CPNE4: variants seen among roughly 807,000 people sequenced by gnomAD.
CPNE4 encodes the protein copine-4.
CPNE4 carries 25 observed loss-of-function variants against 67.9 expected under a neutral mutation model. The observed-to-expected ratio is 0.37, with a 90% CI of 0.27 to 0.51. The LOEUF (loss-of-function observed/expected upper bound fraction) is 0.51, where lower values mean the gene tolerates loss of function less well. Ranked by LOEUF, CPNE4 falls within the 20% of genes least tolerant of loss-of-function variation. The pLI, the probability that CPNE4 is intolerant of heterozygous loss-of-function variation, is 0.93. For synonymous variants in CPNE4, 242 were observed against 244.9 expected (o/e 0.99, Z 0.11); for missense variants, 464 against 690.8 (o/e 0.67, Z 3.68).
At chr3:131,758,842 T>C (rs2082818910) in intron 2 of CPNE4, among the ~76,000 whole-genome samples, 1 of 152,116 alleles carries the variant, frequency 6.6e-6, no homozygotes, top group African/African-American at 2.4e-5. Context: ...TCATCTGGGG[T>C]TTCCGCTTTT....
rs531093457 is a variant in CPNE4, at chr3:131,847,452, G to A, written c.180+57812C>T. Among the ~76,000 whole-genome samples, 62 of 152,290 alleles carry A rather than the reference G, an allele frequency of 4.1e-4. 1 individual carries two copies. The highest frequency in any genetic ancestry group is 1.5e-3 in the African/African-American group (62 of 41,572). On this transcript the variant is annotated intron_variant, in intron 2 of 15. Transcript: ENST00000429747. ...CATATATGATTAAGCATAAATGAAT[G>A]TATTATTGGCCCTGTCTGCTCAGAG...
chr3:132,037,372 C>G (rs191955856), upstream of CPNE4, among the ~76,000 whole-genome samples: 19 of 152,270 alleles, frequency 1.2e-4, no homozygotes, highest in African/African-American at 4.3e-4. Flanking sequence ...AAGCTTTTTA[C>G]AGGGCACATA....
intron 2 of CPNE4, among the ~76,000 whole-genome samples, chr3:131,748,682 T>C (rs967201564): frequency 1.3e-5 from 2 of 152,138 alleles, no homozygotes; most frequent in Middle Eastern, 3.2e-3. Context: ...TAAAGTGACA[T>C]TGTCAAATGC....
chr3:132,037,493 T>C, upstream of CPNE4: 1 of 1,264,100 alleles, frequency 7.9e-7, no homozygotes, highest in African/African-American at 1.5e-5. Flanking sequence ...CACAGCAAGT[T>C]GCCCGCCAGC....
intron 7 of CPNE4, among the ~76,000 whole-genome samples, chr3:131,654,678 C>T (rs2107630309): frequency 6.6e-6 from 1 of 152,230 alleles, no homozygotes; most frequent in East Asian, 1.9e-4. Flanking sequence ...TCAACTGGCC[C>T]CAACTCAGGA....
intron 2 of CPNE4, among the ~76,000 whole-genome samples, chr3:131,840,695 T>A (rs1415138481): frequency 3.3e-5 from 5 of 152,180 alleles, no homozygotes; most frequent in Admixed American, 2.0e-4. Context: ...TATCCCCATA[T>A]AGGCTTCTAG....
intron 1 of CPNE4, among the ~76,000 whole-genome samples, chr3:131,961,052 G>A (rs2072154841): frequency 6.6e-6 from 1 of 152,106 alleles, no homozygotes; most frequent in Non-Finnish European, 1.5e-5. Context: ...ATGTTCAAAG[G>A]TTTCTCTAAG....
chr3:131,711,728 T>C (rs574945104), intron 3 of CPNE4, among the ~76,000 whole-genome samples: 2 of 152,342 alleles, frequency 1.3e-5, no homozygotes, highest in Admixed American at 1.3e-4. Flanking sequence ...CAGTTATTGT[T>C]TTCCTCCCCC....
At chr3:131,961,137 C>A (rs535028483) in intron 1 of CPNE4, among the ~76,000 whole-genome samples, 1 of 152,162 alleles carries the variant, frequency 6.6e-6, no homozygotes, top group Non-Finnish European at 1.5e-5. Context: ...GCATTTTTCT[C>A]CACGTGAACA....
At chr3:131,978,058 A>AATATATATAAATATATATAAAT (rs2072719048) in intron 1 of CPNE4, among the ~76,000 whole-genome samples, 1 of 72,508 alleles carries the variant, frequency 1.4e-5, no homozygotes, top group African/African-American at 1.0e-4. Flanking sequence ...GATATATATA[A>AATATATATAAATATATATAAAT]ATATATATAA....
chr3:131,797,160 T>C (rs1272534704), intron 2 of CPNE4, among the ~76,000 whole-genome samples: 3 of 152,172 alleles, frequency 2.0e-5, no homozygotes, highest in African/African-American at 7.2e-5. Flanking sequence ...TCTTGGCGTT[T>C]TTTATTTGTC....
intron 2 of CPNE4, among the ~76,000 whole-genome samples, chr3:131,799,207 G>A (rs1483377536): frequency 3.9e-5 from 6 of 152,118 alleles, no homozygotes; most frequent in Non-Finnish European, 7.4e-5. Flanking sequence ...GACACAATTA[G>A]CTGGGCAAGG....
At chr3:131,986,830 C>CAAAAAAAAAAA (rs369896508) in intron 1 of CPNE4, among the ~76,000 whole-genome samples, 1 of 87,408 alleles carries the variant, frequency 1.1e-5, no homozygotes, top group Admixed American at 1.3e-4. Flanking sequence ...GACTCGGTCT[C>CAAAAAAAAAAA]AAAAAAAAAA....
intron 10 of CPNE4, among the ~76,000 whole-genome samples, chr3:131,565,211 A>G (rs767944633): frequency 2.0e-4 from 30 of 152,102 alleles, no homozygotes; most frequent in Admixed American, 3.9e-4. Flanking sequence ...CCCAGCAAAA[A>G]TCTCTTTAAA....
At chr3:131,826,352 T>G (rs758385039) in intron 2 of CPNE4, among the ~76,000 whole-genome samples, 6 of 151,992 alleles carry the variant, frequency 3.9e-5, no homozygotes, top group Non-Finnish European at 8.8e-5. Context: ...CCACCATGCC[T>G]GGTTAATTAA....
chr3:131,896,473 A>G (rs934248107), intron 2 of CPNE4, among the ~76,000 whole-genome samples: 1 of 152,144 alleles, frequency 6.6e-6, no homozygotes, highest in Admixed American at 6.6e-5. Context: ...AGTGCAAACA[A>G]TGTACATCCC....
At chr3:131,576,092 G>A (rs1937541622) in intron 9 of CPNE4, among the ~76,000 whole-genome samples, 1 of 152,128 alleles carries the variant, frequency 6.6e-6, no homozygotes, top group Non-Finnish European at 1.5e-5. Context: ...TGGACAGCCA[G>A]TAACTGTAAT....
intron 2 of CPNE4, among the ~76,000 whole-genome samples, chr3:131,728,226 CT>C (rs1375760242): frequency 1.6e-4 from 24 of 152,110 alleles, no homozygotes; most frequent in African/African-American, 5.6e-4. Flanking sequence ...GATGAAGCAG[CT>C]TTTCAAATCT....
chr3:131,843,405 C>T (rs2085870531), intron 2 of CPNE4, among the ~76,000 whole-genome samples: 1 of 152,206 alleles, frequency 6.6e-6, no homozygotes. Context: ...TTACACACTA[C>T]AGGGTACGTT....
Sources: gnomAD v4.1 joint callset for allele counts (sites outside exome capture counted in the v4.1 genomes callset) on GRCh38, gnomAD v4.1.1 for gene constraint, MANE v1.5 for transcripts, NCBI Gene and HGNC (gene_info 2026-07-23, HGNC 2026-07-21) for gene names.